TYW1: variants seen among roughly 807,000 people sequenced by gnomAD.
TYW1 encodes S-adenosyl-L-methionine-dependent tRNA 4-demethylwyosine synthase TYW1.
Under a neutral mutation model 96.2 loss-of-function variants are expected in TYW1, and 46 were observed. The ratio of observed to expected loss-of-function variants is 0.48; its 90% CI spans 0.38 to 0.61. TYW1 has a LOEUF of 0.61. Among genes scored for constraint, TYW1 ranks in the 20% least tolerant of loss-of-function variants. The pLI, the probability that TYW1 is intolerant of heterozygous loss-of-function variation, is 0.00. For missense variants in TYW1, 684 were observed against 909.6 expected (o/e 0.75, Z 3.19); for synonymous variants, 274 against 323.0 (o/e 0.85, Z 1.63).
intron 8 of TYW1, 68 bp downstream of exon 8, chr7:67,050,134 G>A: frequency 1.3e-6 from 2 of 1,560,540 alleles, no homozygotes; most frequent in South Asian, 2.3e-5. Context: ...TACCTGGAAT[G>A]AAGTCTCTCT....
intron 13 of TYW1, among the ~76,000 whole-genome samples, chr7:67,119,794 A>AT (rs990587912): frequency 2.6e-5 from 4 of 151,900 alleles, no homozygotes; most frequent in South Asian, 2.1e-4. Flanking sequence ...AAATGCTTCC[A>AT]TTTTTTTCTT....
At chr7:67,236,614 C>A (rs1423864785) in intron 15 of TYW1, among the ~76,000 whole-genome samples, 1 of 152,178 alleles carries the variant, frequency 6.6e-6, no homozygotes, top group African/African-American at 2.4e-5. Flanking sequence ...AATTTTACAT[C>A]TTGGGTTGTA....
At chr7:67,164,737 A>C (rs151229861) in intron 13 of TYW1, among the ~76,000 whole-genome samples, 1 of 152,192 alleles carries the variant, frequency 6.6e-6, no homozygotes, top group African/African-American at 2.4e-5. Flanking sequence ...TGACCCTGCT[A>C]TTGTTAGGAG....
intron 6 of TYW1, among the ~76,000 whole-genome samples, chr7:67,022,748 T>G (rs1794316451): frequency 6.6e-6 from 1 of 152,196 alleles, no homozygotes; most frequent in African/African-American, 2.4e-5. Flanking sequence ...TGGGCTAAAT[T>G]AAAGAACACA....
chr7:67,159,716 A>G (rs1012120076), intron 13 of TYW1, among the ~76,000 whole-genome samples: 2 of 152,156 alleles, frequency 1.3e-5, no homozygotes, highest in Non-Finnish European at 2.9e-5. Context: ...TCATTTAGCC[A>G]TGCTGTATGT....
At position 67,194,212 on chromosome 7, in the gene TYW1, T is replaced by A. The variant is rs1584680254; in HGVS notation, c.1810-958T>A. 2.0e-5 allele frequency among the ~76,000 whole-genome samples: 3 copies of A among 152,310 alleles called. No homozygotes were observed. In the South Asian group the frequency reaches 6.2e-4, roughly 32 times the overall value. ...CTTAAGAATTTCTGTGTTGGTGAAA[T>A]ACATGTGTATATGTAGTTGTGTGTA... On this transcript the variant is annotated intron_variant, in intron 14 of 15. Coordinates refer to ENST00000359626, the MANE Select transcript of TYW1 (RefSeq NM_018264.4).
At chr7:67,030,203 A>G (rs556635095) in intron 7 of TYW1, among the ~76,000 whole-genome samples, 1 of 152,288 alleles carries the variant, frequency 6.6e-6, no homozygotes, top group Admixed American at 6.5e-5. Flanking sequence ...CCTTTTCTCA[A>G]AGGTCAGGCT....
intron 15 of TYW1, among the ~76,000 whole-genome samples, chr7:67,211,393 A>G (rs4383874): frequency 0.27 from 40,647 of 151,884 alleles, 5,790 homozygotes; most frequent in African/African-American, 0.36. Flanking sequence ...CGTGTTTTTG[A>G]CTTATTATGG....
chr7:67,174,364 T>C (rs1490952108), intron 13 of TYW1, among the ~76,000 whole-genome samples: 2 of 151,390 alleles, frequency 1.3e-5, no homozygotes, highest in Non-Finnish European at 2.9e-5. Flanking sequence ...AGAGCAACAA[T>C]AGGCCAGTAC....
chr7:67,035,912 T>C (rs1423968529), intron 7 of TYW1, among the ~76,000 whole-genome samples: 5 of 150,932 alleles, frequency 3.3e-5, no homozygotes, highest in African/African-American at 7.3e-5. Flanking sequence ...TTGCTGATCT[T>C]ATGATCCGCC....
At chr7:67,131,975 T>G (rs1798088333) in intron 13 of TYW1, among the ~76,000 whole-genome samples, 1 of 152,218 alleles carries the variant, frequency 6.6e-6, no homozygotes, top group Non-Finnish European at 1.5e-5. Flanking sequence ...GGCAGCTGAT[T>G]AGATGGTGCC....
chr7:67,218,776 C>T (rs1441899273), intron 15 of TYW1, among the ~76,000 whole-genome samples: 2 of 152,050 alleles, frequency 1.3e-5, no homozygotes, highest in African/African-American at 4.8e-5. Context: ...TTGCTGAATT[C>T]CTTTATTAGT....
At chr7:67,132,956 A>G (rs1798129560) in intron 13 of TYW1, among the ~76,000 whole-genome samples, 1 of 152,074 alleles carries the variant, frequency 6.6e-6, no homozygotes, top group Non-Finnish European at 1.5e-5. Flanking sequence ...CATGTGCAAT[A>G]ATTTCTTTCG....
At position 67,009,574 on chromosome 7, in the gene TYW1, T is replaced by G. The variant is rs1562963090; in HGVS notation, c.274-9T>G. ...AGACTTTATTTGATGTTTTTTTTGG[T>G]CCTATTAGGGATTCGCAACAGTTCT... On this transcript the variant is annotated splice_polypyrimidine_tract_variant and intron_variant, in intron 3 of 15. Transcript: ENST00000359626. 6.2e-7 allele frequency: 1 copy of G among 1,608,504 alleles called. No homozygotes were observed. The highest frequency in any genetic ancestry group is 2.2e-5 in the East Asian group (1 of 44,744).
At chr7:67,194,518 A>G (rs1169452747) in intron 14 of TYW1, among the ~76,000 whole-genome samples, 2 of 152,150 alleles carry the variant, frequency 1.3e-5, no homozygotes, top group East Asian at 1.9e-4. Flanking sequence ...CCAGCCACTC[A>G]GAAGGCTGAG....
chr7:67,016,337 C>T (rs548890109), intron 5 of TYW1, among the ~76,000 whole-genome samples: 14 of 151,330 alleles, frequency 9.3e-5, no homozygotes, highest in African/African-American at 2.7e-4. Flanking sequence ...CACCTGAGGT[C>T]GGGAGTTCGA....
chr7:67,073,727 T>C (rs71563154), intron 10 of TYW1, among the ~76,000 whole-genome samples: 33,234 of 125,126 alleles, frequency 0.27, 4,322 homozygotes, highest in African/African-American at 0.35. Context: ...TGAGCTATCA[T>C]GCCACTGCAC....
chr7:67,001,700 G>A (rs1423083308), intron 3 of TYW1, among the ~76,000 whole-genome samples: 2 of 151,556 alleles, frequency 1.3e-5, no homozygotes, highest in African/African-American at 2.4e-5. Context: ...GATTACAGGC[G>A]TGAGCCACCG....
At chr7:67,052,850 A>G (rs1209258013) in intron 8 of TYW1, among the ~76,000 whole-genome samples, 5 of 151,924 alleles carry the variant, frequency 3.3e-5, no homozygotes, top group Non-Finnish European at 5.9e-5. Flanking sequence ...TCCTGCCTCA[A>G]GTGATTCACC....
Sources: allele counts gnomAD v4.1 joint callset (sites outside exome capture counted in the v4.1 genomes callset), GRCh38; gene constraint gnomAD v4.1.1; transcripts MANE v1.5; gene names NCBI Gene and HGNC (gene_info 2026-07-23, HGNC 2026-07-21).